Variants in COL12A1 observed in about 807,000 individuals in gnomAD.
COL12A1 encodes the protein collagen type XII alpha 1 chain, also known as collagen alpha-1(XII) chain.
COL12A1 carries 114 observed loss-of-function variants against 349.7 expected under a neutral mutation model. The ratio of observed to expected loss-of-function variants is 0.33; its 90% CI spans 0.28 to 0.38. COL12A1 has a LOEUF of 0.38. COL12A1 is among the 10% of genes least tolerant of loss of function. COL12A1 has a pLI of 1.00. For missense variants in COL12A1, 3,284 were observed against 3,756.9 expected (o/e 0.87, Z 3.29); for synonymous variants, 1,369 against 1,329.0 (o/e 1.03, Z -0.66).
In COL12A1 at chr6:75,094,360, C is replaced by CA. The variant is rs3216650; in HGVS notation, c.8649+747dup. ...TTTATATTTCAGGATGCTATTTGGA[C>CA]AAAAAAAATTGCTTAAATAAATTCA... On this transcript the variant is annotated intron_variant, in intron 60 of 65. Transcript: ENST00000322507. Among the ~76,000 whole-genome samples, 493 of 151,126 alleles carry CA rather than the reference C, an allele frequency of 3.3e-3. 2 individuals carry two copies. Among genetic ancestry groups the CA allele is most frequent in the African/African-American group, 0.011 (450 of 41,246 alleles).
chr6:75,086,490 G>T lies in COL12A1; in HGVS notation c.*57C>A. The T allele has an allele frequency of 1.3e-6, 2 of 1,550,424 alleles. No individual in the cohort carries two copies. The highest frequency in any genetic ancestry group is 2.7e-5 in the African/African-American group (2 of 73,132). On this transcript the variant is annotated 3_prime_UTR_variant, in exon 66 of 66. Coordinates refer to ENST00000322507, the MANE Select transcript of COL12A1 (RefSeq NM_004370.6). ...AATAAGCACGTGCGCAAACATCTCA[G>T]AAACAGGATTTTCATGTATTCAAAC...
rs1294875267 is a variant in COL12A1, at chr6:75,133,321, C to T, written c.5766G>A (p.Gly1922=). ...TVVPVYTEGD[G]GRTSDTGRTL... is the part of the protein sequence containing the mutation. Reference sequence around the variant, plus strand: ...TCCTTCCAGTATCTGATGTGCGTCCCCCATCACCTTCAGTATAAACGGGAA... The same window carrying T: ...TCCTTCCAGTATCTGATGTGCGTCCTCCATCACCTTCAGTATAAACGGGAA... The change falls in exon 34 of 66, where the codon GGG becomes GGA. Residue 1922 remains glycine, a synonymous_variant. Coordinates refer to ENST00000322507, the MANE Select transcript of COL12A1 (RefSeq NM_004370.6). 1.2e-6 allele frequency: 2 copies of T among 1,604,802 alleles called. No homozygotes were observed. The highest frequency in any genetic ancestry group is 1.1e-5 in the South Asian group (1 of 88,168).
At chr6:75,116,763 G>C (rs1769102726) in intron 47 of COL12A1, among the ~76,000 whole-genome samples, 1 of 152,094 alleles carries the variant, frequency 6.6e-6, no homozygotes, top group South Asian at 2.1e-4. Flanking sequence ...ACTAGCCACA[G>C]ACCCCTGATC....
chr6:75,097,868 T>C (rs1340498141), intron 58 of COL12A1, among the ~76,000 whole-genome samples: 2 of 152,166 alleles, frequency 1.3e-5, no homozygotes, highest in Non-Finnish European at 2.9e-5. Flanking sequence ...GCACCTTCAT[T>C]CTCTTCCATC....
At chr6:75,129,171 CTCTGCTTTGGCAAACTA>C (rs1245303712) in intron 37 of COL12A1, among the ~76,000 whole-genome samples, 8 of 152,176 alleles carry the variant, frequency 5.3e-5, no homozygotes, top group Non-Finnish European at 1.2e-4. Flanking sequence ...CCATGAGTTT[CTCTGCTTTGGCAAACTA>C]ACTGTAGTAG....
At chr6:75,199,257 G>T (rs1303648712) in intron 2 of COL12A1, among the ~76,000 whole-genome samples, 1 of 152,172 alleles carries the variant, frequency 6.6e-6, no homozygotes, top group Non-Finnish European at 1.5e-5. Context: ...AGTTGACCAA[G>T]TGATTCAGCC....
At chr6:75,198,405 G>A (rs1770342165) in intron 2 of COL12A1, among the ~76,000 whole-genome samples, 1 of 150,836 alleles carries the variant, frequency 6.6e-6, no homozygotes, top group South Asian at 2.1e-4. Flanking sequence ...TTTATATGTA[G>A]CTGATTTATA....
intron 51 of COL12A1, among the ~76,000 whole-genome samples, chr6:75,112,586 C>T (rs1472723394): frequency 6.6e-6 from 1 of 151,328 alleles, no homozygotes; most frequent in African/African-American, 2.4e-5. Flanking sequence ...ATAGACAATC[C>T]CTAGAATGCA....
rs372896052 is a variant in COL12A1 at position 75,119,406 on chromosome 6, G to A, written c.7154C>T (p.Ala2385Val). Residue 2385 changes from alanine (A) to valine (V), a missense_variant, in exon 45 of 66, where the codon GCC (alanine) becomes GTC (valine). Ala to Val is a moderately conservative substitution (Grantham distance 64). Around this residue, in one of 2 missense-constraint regions of COL12A1, gnomAD observed 683 missense variants for 932.1 expected, o/e 0.73. Transcript: ENST00000322507. The part of the protein sequence containing the change: ...EFKLNTYNDK[A>V]LALGALQNIR... ...ATTCTGGAGGGCCCCAAGGGCTAGG[G>A]CCTTGTCATTGTACGTGTTCAGCTT... 5 of 1,613,784 alleles carry A rather than the reference G, an allele frequency of 3.1e-6. No homozygotes were observed. Among genetic ancestry groups the A allele is most frequent in the Non-Finnish European group, 4.2e-6 (5 of 1,179,882 alleles).
At chr6:75,105,116 G>T in intron 54 of COL12A1, 90 bp downstream of exon 54, 1 of 1,045,488 alleles carries the variant, frequency 9.6e-7, no homozygotes, top group Non-Finnish European at 1.4e-6. Context: ...TGGATGAATT[G>T]AAGTATTTTA....
Position 75,090,410 on chromosome 6 carries a change from C to T in COL12A1, c.8753-112G>A. 2.0e-6 allele frequency: 2 copies of T among 987,082 alleles called. No homozygotes were observed. Among genetic ancestry groups the T allele is most frequent in the Non-Finnish European group, 3.0e-6 (2 of 671,432 alleles). The allele number at this position is 987,082 out of a possible 1,614,324, so 61.1% of individuals were successfully genotyped here. The stretch of plus-strand genomic sequence containing the variant: ...AATCCATCTCCATTCTGCAACCCCT[C>T]TAAGGAAACAATCTAATTAGAATCC... On this transcript the variant is annotated intron_variant, in intron 62 of 65. Transcript: ENST00000322507. The surrounding 1 kb of genome is among the most constrained non-coding windows in gnomAD (Gnocchi z 4.1).
At chr6:75,132,124 A>C in intron 34 of COL12A1, 42 bp from the exon 35 acceptor site, 4 of 1,604,656 alleles carry the variant, frequency 2.5e-6, no homozygotes, top group African/African-American at 2.7e-5. Context: ...AAGTCTGTTT[A>C]TATATCTCAA....
chr6:75,145,418 G>A lies in COL12A1; in HGVS notation c.4598C>T (p.Thr1533Ile). Residue 1533 changes from threonine to isoleucine, a missense_variant, in exon 25 of 66, where the codon ACT becomes ATT. Thr to Ile is a moderately conservative substitution (Grantham distance 89). This residue lies in a region of COL12A1 where 2,601 missense variants were observed against 2,824.8 expected (regional missense o/e 0.92). Transcript: ENST00000322507. ...ATACTCCGTGTTGGGAACAAGGTCAGTCAGCTGCATGTCATTCACTGTTGG... is the reference window on the plus strand; with the variant it reads ...ATACTCCGTGTTGGGAACAAGGTCAATCAGCTGCATGTCATTCACTGTTGG... ...LGPTVNDMQLTDLVPNTEYAV... is the reference protein window; with the variant it reads ...LGPTVNDMQLIDLVPNTEYAV... The A allele has an allele frequency of 6.2e-7, 1 of 1,614,024 alleles. No homozygotes were observed. Among genetic ancestry groups the A allele is most frequent in the Non-Finnish European group, 8.5e-7 (1 of 1,179,938 alleles).
intron 14 of COL12A1, among the ~76,000 whole-genome samples, chr6:75,162,249 T>C (rs141121376): frequency 0.025 from 3,772 of 152,188 alleles, 146 homozygotes; most frequent in African/African-American, 0.086. Flanking sequence ...GAATTCAAAC[T>C]ATACTAGAAG....
At chr6:75,111,213 C>G (rs1188145319) in intron 51 of COL12A1, among the ~76,000 whole-genome samples, 2 of 150,738 alleles carry the variant, frequency 1.3e-5, no homozygotes, top group Non-Finnish European at 3.0e-5. Flanking sequence ...GAAAAAAGAG[C>G]ACAGTGGGAA....
Position 75,188,463 on chromosome 6 carries a change from A to G in COL12A1, c.896T>C (p.Val299Ala). Residue 299 changes from valine to alanine, a missense_variant, in exon 8 of 66, where the codon GTG (valine) becomes GCG (alanine). Physicochemically the swap from Val to Ala is moderately conservative, Grantham distance 64 (BLOSUM62 0). Coordinates refer to ENST00000322507, the MANE Select transcript of COL12A1 (RefSeq NM_004370.6). ...ATCCACAATTGCATCAAAGTTGGCC[A>G]CATTGAAAACATGGTTCAGTGAAGG... ...STPSLNHVFN[V>A]ANFDAIVDIQ... is the part of the protein sequence containing the mutation. The G allele has an allele frequency of 6.2e-7, 1 of 1,613,666 alleles. No homozygotes were observed. The highest frequency in any genetic ancestry group is 8.5e-7 in the Non-Finnish European group (1 of 1,179,678).
chr6:75,133,508 A>G (rs1201281991), intron 33 of COL12A1, 86 bp from the exon 34 acceptor site: 6 of 1,339,736 alleles, frequency 4.5e-6, no homozygotes, highest in Non-Finnish European at 6.1e-6. Flanking sequence ...CCAACTCAAG[A>G]CCAAGTCAAG....
Position 75,202,695 on chromosome 6 carries a change from G to A in COL12A1, c.73+25C>T, listed in dbSNP as rs240362. On this transcript the variant is annotated intron_variant, in intron 2 of 65. Coordinates refer to ENST00000322507, the MANE Select transcript of COL12A1 (RefSeq NM_004370.6). ...TTTCTCGAATTTTGCATTGTCACTCGGTGAAGGGGAAGGGAGCCTTTTACC... is the reference window on the plus strand; with the variant it reads ...TTTCTCGAATTTTGCATTGTCACTCAGTGAAGGGGAAGGGAGCCTTTTACC... The A allele has an allele frequency of 7.2e-3, 11,209 of 1,547,806 alleles. 664 individuals are homozygous for A. In the African/African-American group the frequency reaches 0.13, roughly 18 times the overall value.
chr6:75,182,767 C>T (rs975361880), intron 10 of COL12A1, among the ~76,000 whole-genome samples: 2 of 152,208 alleles, frequency 1.3e-5, no homozygotes, highest in African/African-American at 4.8e-5. Context: ...ATGACACATA[C>T]ATATGATAAA....
Sources: gnomAD v4.1 joint callset for allele counts (sites outside exome capture counted in the v4.1 genomes callset) on GRCh38, gnomAD v4.1.1 for gene constraint, gnomAD v4.1.1 regional missense constraint, Gnocchi (gnomAD v3.1) non-coding constraint, MANE v1.5 for transcripts, NCBI Gene and HGNC (gene_info 2026-07-23, HGNC 2026-07-21) for gene names.